Variants in ZMYM1 observed in about 807,000 individuals in gnomAD.
ZMYM1 encodes the protein zinc finger MYM-type containing 1.
In ZMYM1, 39 loss-of-function variants were observed where a neutral mutation model predicts 60.0. That is an observed-to-expected ratio of 0.65 (90% CI 0.50 to 0.85). The LOEUF (loss-of-function observed/expected upper bound fraction) is 0.85, where lower values mean the gene tolerates loss of function less well. Among genes scored for constraint, ZMYM1 ranks in the 40% least tolerant of loss-of-function variants. The pLI is 0.00. For synonymous variants in ZMYM1, 413 were observed against 454.0 expected (o/e 0.91, Z 1.15); for missense variants, 1,171 against 1,309.5 (o/e 0.89, Z 1.63).
At chr1:35,079,775 A>G (rs961465593) in intron 1 of ZMYM1, among the ~76,000 whole-genome samples, 6 of 152,190 alleles carry the variant, frequency 3.9e-5, no homozygotes, top group African/African-American at 1.4e-4. Flanking sequence ...CAGAAGCCCC[A>G]TCACACCTGT....
chr1:35,073,630 T>TA (rs911834155), intron 1 of ZMYM1, among the ~76,000 whole-genome samples: 5 of 57,952 alleles, frequency 8.6e-5, no homozygotes, highest in African/African-American at 3.6e-4. Flanking sequence ...AGAAAGGAAA[T>TA]AAAAAAAGAA....
intron 1 of ZMYM1, among the ~76,000 whole-genome samples, chr1:35,089,611 C>G (rs1433967800): frequency 8.2e-6 from 1 of 121,396 alleles, no homozygotes; most frequent in Non-Finnish European, 1.8e-5. Flanking sequence ...GGAATTACTC[C>G]TGTAAGAGGT....
intron 1 of ZMYM1, among the ~76,000 whole-genome samples, chr1:35,068,896 G>T (rs936068140): frequency 6.6e-6 from 1 of 152,042 alleles, no homozygotes; most frequent in Non-Finnish European, 1.5e-5. Flanking sequence ...GAGGGCAATG[G>T]CGTGATGTTG....
At chr1:35,094,115 A>G (rs1433510232) in intron 2 of ZMYM1, 32 bp downstream of exon 2, 1 of 1,570,058 alleles carries the variant, frequency 6.4e-7, no homozygotes. Flanking sequence ...CATTATTTCT[A>G]GAGCAGCATT....
chr1:35,109,088 C>T (rs550031503), intron 6 of ZMYM1, among the ~76,000 whole-genome samples: 14 of 151,930 alleles, frequency 9.2e-5, no homozygotes, highest in Non-Finnish European at 1.5e-4. Context: ...GGCATGATCT[C>T]GGCTCACTGC....
chr1:35,087,785 G>T (rs1211495268), intron 1 of ZMYM1, among the ~76,000 whole-genome samples: 1 of 152,022 alleles, frequency 6.6e-6, no homozygotes, highest in Admixed American at 6.6e-5. Context: ...AATATGGGCC[G>T]AGGGCAGTGG....
At chr1:35,070,403 A>C (rs1045255362) in intron 1 of ZMYM1, among the ~76,000 whole-genome samples, 3 of 152,174 alleles carry the variant, frequency 2.0e-5, no homozygotes, top group Non-Finnish European at 4.4e-5. Context: ...TAATATATAG[A>C]AACACTGCTG....
chr1:35,086,241 A>T (rs1642648467), intron 1 of ZMYM1, among the ~76,000 whole-genome samples: 1 of 151,986 alleles, frequency 6.6e-6, no homozygotes, highest in Non-Finnish European at 1.5e-5. Flanking sequence ...TTTTCCCAAA[A>T]TTTTCAATAT....
chr1:35,074,528 C>T (rs1428743971), upstream of ZMYM1, among the ~76,000 whole-genome samples: 2 of 151,974 alleles, frequency 1.3e-5, no homozygotes, highest in Admixed American at 1.3e-4. Context: ...CCTGCCTCAG[C>T]CTCCCAAGTA....
At chr1:35,063,746 G>A (rs1269230714) in intron 1 of ZMYM1, among the ~76,000 whole-genome samples, 2 of 152,152 alleles carry the variant, frequency 1.3e-5, no homozygotes, top group Non-Finnish European at 2.9e-5. Context: ...ACAATATTAC[G>A]TGAACAAGAT....
At chr1:35,088,449 T>TATATATAC (rs1254261538) in intron 1 of ZMYM1, among the ~76,000 whole-genome samples, 3 of 104,710 alleles carry the variant, frequency 2.9e-5, no homozygotes, top group Non-Finnish European at 5.3e-5. Flanking sequence ...TATATATATA[T>TATATATAC]ATATATGTGT....
At chr1:35,085,516 T>C (rs1027211766) in intron 1 of ZMYM1, among the ~76,000 whole-genome samples, 3 of 152,126 alleles carry the variant, frequency 2.0e-5, no homozygotes, top group Non-Finnish European at 2.9e-5. Flanking sequence ...TTGACATCTG[T>C]CTCCCTTTCC....
intron 1 of ZMYM1, among the ~76,000 whole-genome samples, chr1:35,084,791 G>C (rs908470208): frequency 6.6e-6 from 1 of 152,170 alleles, no homozygotes; most frequent in African/African-American, 2.4e-5. Flanking sequence ...TGACTTGGAG[G>C]AGGGGAGATT....
chr1:35,104,263 T>G (rs1643805094), intron 4 of ZMYM1, 32 bp from the exon 5 acceptor site: 1 of 1,501,164 alleles, frequency 6.7e-7, no homozygotes, highest in African/African-American at 1.4e-5. Context: ...GTGTTTAAAC[T>G]GTTTAATGAT....
intron 1 of ZMYM1, among the ~76,000 whole-genome samples, chr1:35,071,066 T>C (rs529540680): frequency 6.6e-6 from 1 of 152,122 alleles, no homozygotes; most frequent in East Asian, 1.9e-4. Flanking sequence ...TTAATATTTT[T>C]AGTAGAGATG....
chr1:35,089,391 A>G (rs1168573917), intron 1 of ZMYM1, among the ~76,000 whole-genome samples: 3 of 152,174 alleles, frequency 2.0e-5, no homozygotes, highest in African/African-American at 7.2e-5. Context: ...ATAATGCTCA[A>G]ATGGGCTGGA....
chr1:35,111,523 G>T (rs1313067210), intron 7 of ZMYM1, among the ~76,000 whole-genome samples: 1 of 152,110 alleles, frequency 6.6e-6, no homozygotes, highest in Non-Finnish European at 1.5e-5. Context: ...TAAAAGGACT[G>T]GGAAATTGTG....
In ZMYM1 at chr1:35,113,299, G is replaced by A. The variant is rs1312627129; in HGVS notation, c.1469G>A (p.Cys490Tyr). 6.2e-7 allele frequency: 1 copy of A among 1,612,912 alleles called. No individual in the cohort carries two copies. The highest frequency in any genetic ancestry group is 1.7e-5 in the Admixed American group (1 of 60,004). ...CQLFCQKYFS[C>Y]GRESFATHGT... ...TTGTTCTGCCAAAAATATTTTAGCT[G>A]TGGAAGAGAGTCATTTGCAACCCAC... The change falls in exon 10 of 10, where the codon TGT (cysteine) becomes TAT (tyrosine). Residue 490 changes from cysteine (C) to tyrosine (Y), a missense_variant. Coordinates refer to ENST00000359858, the MANE Select transcript of ZMYM1 (RefSeq NM_024772.5).
At chr1:35,098,875 G>C (rs987546851) in intron 4 of ZMYM1, among the ~76,000 whole-genome samples, 1 of 30,886 alleles carries the variant, frequency 3.2e-5, no homozygotes, top group African/African-American at 1.0e-4. Flanking sequence ...CCACTGCACT[G>C]ACTGTCTCAA....
Sources: gnomAD v4.1 joint callset for allele counts (sites outside exome capture counted in the v4.1 genomes callset) on GRCh38, gnomAD v4.1.1 for gene constraint, MANE v1.5 for transcripts, NCBI Gene and HGNC (gene_info 2026-07-23, HGNC 2026-07-21) for gene names.